The following PACRG variants were observed in gnomAD, a reference collection of about 807,000 sequenced individuals.
PACRG encodes the protein parkin coregulated gene protein.
PACRG carries 29 observed loss-of-function variants against 29.7 expected under a neutral mutation model. That is an observed-to-expected ratio of 0.98 (90% CI 0.73 to 1.33). The LOEUF (loss-of-function observed/expected upper bound fraction) is 1.33, where lower values mean the gene tolerates loss of function less well. Among genes scored for constraint, PACRG ranks in the 40% most tolerant of loss-of-function variants. PACRG has a pLI of 0.00. For synonymous variants in PACRG, 116 were observed against 118.7 expected, an observed-to-expected ratio of 0.98 and a Z score of 0.15; for missense variants, 279 against 316.2, an observed-to-expected ratio of 0.88 and a Z score of 0.89.
intron 4 of PACRG, among the ~76,000 whole-genome samples, chr6:163,264,773 C>A (rs1258380024): frequency 2.0e-5 from 3 of 152,148 alleles, no homozygotes; most frequent in Non-Finnish European, 4.4e-5. Flanking sequence ...TTGCTGCCAA[C>A]TTTTAAACAC....
intron 1 of PACRG, among the ~76,000 whole-genome samples, chr6:162,806,255 T>C (rs1488486141): frequency 2.0e-5 from 3 of 151,860 alleles, no homozygotes; most frequent in African/African-American, 7.3e-5. Flanking sequence ...ATCACAGGCA[T>C]GCACCACCAC....
intron 2 of PACRG, among the ~76,000 whole-genome samples, chr6:162,845,383 T>C (rs1790275335): frequency 6.8e-6 from 1 of 147,298 alleles, no homozygotes; most frequent in East Asian, 1.9e-4. Context: ...TATCATCAAT[T>C]TTTTTTTCTT....
At chr6:162,727,669 G>A (rs1459820905), upstream of PACRG, 7 of 1,582,580 alleles carry the variant, frequency 4.4e-6, no homozygotes, top group Non-Finnish European at 6.0e-6. Flanking sequence ...TACCTATCAT[G>A]GTCACTGGGT....
intron 2 of PACRG, among the ~76,000 whole-genome samples, chr6:162,868,984 A>G (rs1792565140): frequency 6.6e-6 from 1 of 152,178 alleles, no homozygotes; most frequent in Admixed American, 6.5e-5. Flanking sequence ...ATTCCTCGTT[A>G]CATCACGCAG....
At chr6:163,067,907 T>G (rs1232683294) in intron 3 of PACRG, among the ~76,000 whole-genome samples, 1 of 152,254 alleles carries the variant, frequency 6.6e-6, no homozygotes, top group Non-Finnish European at 1.5e-5. Flanking sequence ...TTTTGCATAC[T>G]TGATTTTTAT....
chr6:162,778,403 T>C (rs1489698718), intron 1 of PACRG, among the ~76,000 whole-genome samples: 1 of 152,200 alleles, frequency 6.6e-6, no homozygotes, highest in Non-Finnish European at 1.5e-5. Flanking sequence ...TTGTTTATTT[T>C]TATTTATTTA....
intron 4 of PACRG, among the ~76,000 whole-genome samples, chr6:163,270,534 C>T (rs1783786778): frequency 1.1e-5 from 1 of 88,354 alleles, no homozygotes; most frequent in African/African-American, 4.3e-5. Flanking sequence ...CCATGCCTGA[C>T]TAATTTTTTT....
chr6:163,269,877 GAAAGAAAGAAAGAAAAC>G lies in PACRG; in HGVS notation c.614-44934_614-44918del, dbSNP rs1346724725. On this transcript the variant is annotated intron_variant, in intron 4 of 4. Coordinates refer to ENST00000366888, the MANE Select transcript of PACRG (RefSeq NM_001080379.2). Reference sequence around the variant, plus strand: ...AGAAAGAGAAAGAAAGAGAAAGAAAGAAAGAAAGAAAGAAAACAAAGAAAGAAAGAAAGAAAGAAAGA... The same window carrying G: ...AGAAAGAGAAAGAAAGAGAAAGAAAGAAAGAAAGAAAGAAAGAAAGAAAGA... Among the ~76,000 whole-genome samples the G allele has an allele frequency of 5.0e-4, 17 of 34,076 alleles. 4 individuals are homozygous for G. Among genetic ancestry groups the G allele is most frequent in the African/African-American group, 2.3e-3 (17 of 7,532 alleles). The allele number at this position is 34,076 out of a possible 152,430, so 22.4% of individuals were successfully genotyped here.
At chr6:163,200,256 T>G (rs60020523) in intron 4 of PACRG, among the ~76,000 whole-genome samples, 5,751 of 152,150 alleles carry the variant, frequency 0.038, 318 homozygotes, top group African/African-American at 0.12. Flanking sequence ...GAAAAGGAAA[T>G]GTCCTAGGTC....
At chr6:162,747,985 G>A (rs1781215967) in intron 1 of PACRG, among the ~76,000 whole-genome samples, 1 of 152,110 alleles carries the variant, frequency 6.6e-6, no homozygotes. Context: ...TCAGACTGCT[G>A]TGCTGATGTT....
chr6:163,274,676 C>T (rs1209459001), intron 4 of PACRG, among the ~76,000 whole-genome samples: 2 of 152,202 alleles, frequency 1.3e-5, no homozygotes, highest in Non-Finnish European at 2.9e-5. Flanking sequence ...TATTTCTCCA[C>T]ATCCTCTCCA....
chr6:163,304,158 A>G (rs1467026347), intron 4 of PACRG, among the ~76,000 whole-genome samples: 1 of 152,178 alleles, frequency 6.6e-6, no homozygotes, highest in African/African-American at 2.4e-5. Flanking sequence ...AAGCAGCCAG[A>G]TGAAGCTACC....
intron 2 of PACRG, among the ~76,000 whole-genome samples, chr6:163,049,618 G>C (rs1407867771): frequency 6.6e-6 from 1 of 151,906 alleles, no homozygotes; most frequent in Non-Finnish European, 1.5e-5. Context: ...TGCCTCAGTA[G>C]AGAAAAAATG....
chr6:163,095,684 T>C (rs1814516144), intron 4 of PACRG, among the ~76,000 whole-genome samples: 1 of 151,996 alleles, frequency 6.6e-6, no homozygotes, highest in Non-Finnish European at 1.5e-5. Flanking sequence ...TCATGTGGCC[T>C]TTTTTCCTGT....
chr6:163,067,611 A>G (rs1811672366), intron 3 of PACRG, among the ~76,000 whole-genome samples: 1 of 152,234 alleles, frequency 6.6e-6, no homozygotes, highest in Non-Finnish European at 1.5e-5. Context: ...ATACAACAAG[A>G]GGACAAAAGG....
chr6:162,734,807 A>T (rs900644094), intron 1 of PACRG, among the ~76,000 whole-genome samples: 5 of 152,184 alleles, frequency 3.3e-5, no homozygotes, highest in Non-Finnish European at 7.4e-5. Flanking sequence ...CACTTGGTGA[A>T]TATCAAACCA....
At chr6:162,866,092 A>C (rs966517654) in intron 2 of PACRG, among the ~76,000 whole-genome samples, 1 of 152,336 alleles carries the variant, frequency 6.6e-6, no homozygotes, top group Middle Eastern at 3.4e-3. Flanking sequence ...TTGAAGCAGA[A>C]TTGATTTCCT....
At chr6:162,982,799 C>T (rs1802545134) in intron 2 of PACRG, among the ~76,000 whole-genome samples, 1 of 151,942 alleles carries the variant, frequency 6.6e-6, no homozygotes, top group African/African-American at 2.4e-5. Flanking sequence ...GTAGAATGTT[C>T]TATAAATATC....
At chr6:163,221,156 T>C (rs1781569113) in intron 4 of PACRG, among the ~76,000 whole-genome samples, 1 of 152,238 alleles carries the variant, frequency 6.6e-6, no homozygotes, top group Non-Finnish European at 1.5e-5. Flanking sequence ...CATTTCATTA[T>C]CTTGGAAGTA....
Sources: gnomAD v4.1 joint callset for allele counts (sites outside exome capture counted in the v4.1 genomes callset) on GRCh38, gnomAD v4.1.1 for gene constraint, MANE v1.5 for transcripts, NCBI Gene and HGNC (gene_info 2026-07-23, HGNC 2026-07-21) for gene names.